Variants in NCOR2 observed in about 807,000 individuals in gnomAD.
NCOR2 encodes the protein nuclear receptor corepressor 2, also known as CTG repeat protein 26.
A neutral mutation model predicts 262.9 loss-of-function variants in NCOR2; 81 were observed. That is an observed-to-expected ratio of 0.31 (90% CI 0.26 to 0.37). The LOEUF is 0.37. Ranked by LOEUF, NCOR2 falls within the 10% of genes least tolerant of loss-of-function variation. The probability of loss-of-function intolerance (pLI) is 1.00; values close to 1 mark genes in which losing one functional copy is unlikely to be tolerated. For missense variants in NCOR2, 3,385 were observed against 3,621.4 expected, an observed-to-expected ratio of 0.93 and a Z score of 1.68; for synonymous variants, 1,659 against 1,559.3, an observed-to-expected ratio of 1.06 and a Z score of -1.51.
intron 3 of NCOR2, among the ~76,000 whole-genome samples, chr12:124,474,308 G>C (rs2046983027): frequency 6.6e-6 from 1 of 152,242 alleles, no homozygotes; most frequent in Non-Finnish European, 1.5e-5. Context: ...GCTAAAAGGA[G>C]TTATCTCGGC....
chr12:124,458,473 C>A (rs552250988), intron 5 of NCOR2, among the ~76,000 whole-genome samples: 1 of 152,346 alleles, frequency 6.6e-6, no homozygotes, highest in East Asian at 1.9e-4. Flanking sequence ...TCTTGGCCAC[C>A]TTCAGGCTGA....
intron 1 of NCOR2, among the ~76,000 whole-genome samples, chr12:124,544,916 G>A (rs908196269): frequency 1.3e-5 from 2 of 152,140 alleles, no homozygotes; most frequent in Non-Finnish European, 2.9e-5. Context: ...AATTATATTA[G>A]GTGGCTAAAA....
chr12:124,386,532 T>A (rs2040818474), intron 16 of NCOR2, among the ~76,000 whole-genome samples: 1 of 152,080 alleles, frequency 6.6e-6, no homozygotes, highest in African/African-American at 2.4e-5. Flanking sequence ...CCCACCAGGC[T>A]TGGTTGCGCA....
intron 20 of NCOR2, among the ~76,000 whole-genome samples, chr12:124,364,012 C>T (rs571574315): frequency 5.3e-5 from 8 of 152,126 alleles, no homozygotes; most frequent in African/African-American, 1.9e-4. Flanking sequence ...AGGGGAGGCA[C>T]GAGTGGGCGG....
intron 16 of NCOR2, among the ~76,000 whole-genome samples, chr12:124,392,235 G>T (rs2041357040): frequency 6.6e-6 from 1 of 152,164 alleles, no homozygotes; most frequent in African/African-American, 2.4e-5. Context: ...CATCTTCAAG[G>T]GTGCTGACAG....
chr12:124,463,952 G>A (rs2046308665), intron 5 of NCOR2, among the ~76,000 whole-genome samples: 2 of 151,602 alleles, frequency 1.3e-5, no homozygotes, highest in Non-Finnish European at 2.9e-5. Flanking sequence ...CATCTGCCGT[G>A]TGGTGAGCAC....
In NCOR2 at chr12:124,533,570, T is replaced by C. The variant is rs144264114; in HGVS notation, c.-118+1995A>G. ...CGTCGCACTTACTGACTTTTGGTCA[T>C]GGTCTGTCTCCCCGCAGGGAGGACT... On this transcript the variant is annotated intron_variant, in intron 1 of 46. Transcript: ENST00000404621. Among the ~76,000 whole-genome samples the C allele has an allele frequency of 2.4e-4, 36 of 152,182 alleles. No homozygotes were observed. In the East Asian group the frequency reaches 6.6e-3, roughly 28 times the overall value.
At chr12:124,325,374 A>ACCC (rs2034531199) in exon 47 of NCOR2, 31 of 316,822 alleles carry the variant, frequency 9.8e-5, no homozygotes, top group African/African-American at 3.2e-4. Context: ...GGGACCTGAC[A>ACCC]CCGCCCCCCC....
Position 124,363,665 on chromosome 12 carries a change from G to C in NCOR2, c.2928+14C>G. Reference sequence around the variant, plus strand: ...CAGGGTGGACTCTGTGGGGCTCTGGGGGTGGGCACTCACGATGGGGGGGAT... The same window carrying C: ...CAGGGTGGACTCTGTGGGGCTCTGGCGGTGGGCACTCACGATGGGGGGGAT... On this transcript the variant is annotated intron_variant, in intron 21 of 46. Transcript: ENST00000405201. 4 of 1,369,460 alleles carry C rather than the reference G, an allele frequency of 2.9e-6. No homozygotes were observed. The highest frequency in any genetic ancestry group is 3.8e-6 in the Non-Finnish European group (4 of 1,051,582). 84.8% of individuals were successfully genotyped at this position (1,369,460 alleles called of 1,614,324 possible).
intron 1 of NCOR2, among the ~76,000 whole-genome samples, chr12:124,509,859 AC>A (rs537571945): frequency 6.7e-4 from 101 of 150,634 alleles, no homozygotes; most frequent in African/African-American, 2.3e-3. Context: ...AGGCAGACAC[AC>A]CCCCCGACGG....
chr12:124,532,307 C>T (rs541854145), intron 1 of NCOR2, among the ~76,000 whole-genome samples: 1 of 152,232 alleles, frequency 6.6e-6, no homozygotes, highest in Admixed American at 6.5e-5. Context: ...CAGAGGGGCC[C>T]CACAGAGCTG....
intron 1 of NCOR2, among the ~76,000 whole-genome samples, chr12:124,489,630 G>A (rs549493103): frequency 1.3e-5 from 2 of 151,670 alleles, no homozygotes; most frequent in South Asian, 4.2e-4. Flanking sequence ...ATGCCCCCTG[G>A]CCTCAGAGGG....
In NCOR2 at chr12:124,360,817, G is replaced by A. The variant is rs548020390; in HGVS notation, c.3100+1309C>T. 8.6e-4 allele frequency among the ~76,000 whole-genome samples: 44 copies of A among 51,376 alleles called. No homozygotes were observed. The East Asian group carries it at 0.014, about 17-fold the overall frequency. 33.7% of individuals were successfully genotyped at this position (51,376 alleles called of 152,430 possible). On this transcript the variant is annotated intron_variant, in intron 22 of 46. Coordinates refer to ENST00000405201, the Ensembl canonical transcript of NCOR2. Reference sequence around the variant, plus strand: ...CTTCCCACTCCACAGGGTCCTTCCCGGAGCCGCTCTTCACTCAACCCGTTT... The same window carrying A: ...CTTCCCACTCCACAGGGTCCTTCCCAGAGCCGCTCTTCACTCAACCCGTTT...
chr12:124,471,781 G>T (rs966795339), intron 4 of NCOR2, among the ~76,000 whole-genome samples: 10 of 152,182 alleles, frequency 6.6e-5, no homozygotes, highest in Non-Finnish European at 1.2e-4. Flanking sequence ...TGCCCACGCT[G>T]GTCTCAAACT....
At chr12:124,339,897 A>ACCCACCC in intron 37 of NCOR2, 109 bp downstream of exon 39, 1 of 176,224 alleles carries the variant, frequency 5.7e-6, no homozygotes, top group Non-Finnish European at 1.1e-5. Context: ...ACATCTGCCC[A>ACCCACCC]CCCACCCACC....
At chr12:124,361,299 T>C (rs2038576147) in intron 22 of NCOR2, among the ~76,000 whole-genome samples, 1 of 152,148 alleles carries the variant, frequency 6.6e-6, no homozygotes, top group Non-Finnish European at 1.5e-5. Flanking sequence ...GCGCCGGGGC[T>C]AGCCCAGGGT....
chr12:124,418,125 T>C (rs897441697), intron 13 of NCOR2, among the ~76,000 whole-genome samples: 1 of 151,504 alleles, frequency 6.6e-6, no homozygotes, highest in Non-Finnish European at 1.5e-5. Flanking sequence ...TTGGAATACA[T>C]GCTCTGTGCC....
At chr12:124,474,791 T>A (rs550861196) in intron 3 of NCOR2, among the ~76,000 whole-genome samples, 26 of 152,162 alleles carry the variant, frequency 1.7e-4, no homozygotes, top group African/African-American at 5.3e-4. Context: ...CTAGCTGGGC[T>A]CCAGAACCCA....
chr12:124,386,748 G>C (rs1354295869), intron 16 of NCOR2, among the ~76,000 whole-genome samples: 1 of 152,258 alleles, frequency 6.6e-6, no homozygotes, highest in Non-Finnish European at 1.5e-5. Context: ...CACAGCCCCT[G>C]CTGCACCGGA....
Sources: gnomAD v4.1 joint callset for allele counts (sites outside exome capture counted in the v4.1 genomes callset) on GRCh38, gnomAD v4.1.1 for gene constraint, MANE v1.5 for transcripts, NCBI Gene and HGNC (gene_info 2026-07-23, HGNC 2026-07-21) for gene names.